CDH4: variants seen among roughly 807,000 people sequenced by gnomAD.
CDH4 encodes cadherin-4.
A neutral mutation model predicts 86.0 loss-of-function variants in CDH4; 33 were observed. The ratio of observed to expected loss-of-function variants is 0.38; its 90% CI spans 0.29 to 0.51. The LOEUF (loss-of-function observed/expected upper bound fraction) is 0.51, where lower values mean the gene tolerates loss of function less well. Ranked by LOEUF, CDH4 falls within the 20% of genes least tolerant of loss-of-function variation. The pLI, the probability that CDH4 is intolerant of heterozygous loss-of-function variation, is 0.86. For missense variants in CDH4, 1,114 were observed against 1,307.4 expected, an observed-to-expected ratio of 0.85 and a Z score of 2.28; for synonymous variants, 555 against 549.4, an observed-to-expected ratio of 1.01 and a Z score of -0.14.
chr20:61,780,283 G>A (rs146853616), intron 4 of CDH4, among the ~76,000 whole-genome samples: 19 of 152,088 alleles, frequency 1.2e-4, no homozygotes, highest in African/African-American at 3.1e-4. Context: ...GGGTTTTCCC[G>A]GTGCACCCAA....
rs138529046 is a variant in CDH4 at position 61,832,066 on chromosome 20, G to A, written c.577-12602G>A. On this transcript the variant is annotated intron_variant, in intron 4 of 15. Coordinates refer to ENST00000614565, the MANE Select transcript of CDH4 (RefSeq NM_001794.5). ...TGGATGCTGCTGCCAACCCAGGCCT[G>A]GTAGATGTACCCATTCCAACCTCCA... Among the ~76,000 whole-genome samples the A allele has an allele frequency of 2.6e-5, 4 of 152,364 alleles. No homozygotes were observed. In the East Asian group the frequency reaches 7.7e-4, roughly 29 times the overall value.
chr20:61,305,318 T>G (rs2084410732), intron 2 of CDH4, among the ~76,000 whole-genome samples: 2 of 152,212 alleles, frequency 1.3e-5, no homozygotes, highest in African/African-American at 2.4e-5. Context: ...CTGCCGTATC[T>G]TATGCAGCGA....
chr20:61,800,000 C>T (rs933680936), intron 4 of CDH4, among the ~76,000 whole-genome samples: 2 of 152,254 alleles, frequency 1.3e-5, no homozygotes, highest in South Asian at 2.1e-4. Context: ...ATGACCCGCT[C>T]GGCTGCAGCG....
intron 2 of CDH4, among the ~76,000 whole-genome samples, chr20:61,634,563 A>G (rs1267673309): frequency 6.6e-6 from 1 of 152,230 alleles, no homozygotes; most frequent in African/African-American, 2.4e-5. Flanking sequence ...TGCAGGAAGC[A>G]TCTGTGGCCT....
At chr20:61,478,178 T>C (rs2149481) in intron 2 of CDH4, among the ~76,000 whole-genome samples, 120,007 of 152,066 alleles carry the variant, frequency 0.79, 48,440 homozygotes, top group African/African-American at 0.95. Flanking sequence ...TTCCAGATGC[T>C]ACCTGCCCTG....
intron 2 of CDH4, among the ~76,000 whole-genome samples, chr20:61,546,100 G>GA (rs2086082099): frequency 1.7e-5 from 2 of 115,480 alleles, no homozygotes; most frequent in Non-Finnish European, 3.9e-5. Context: ...GTGTGTGGAG[G>GA]GGTGTGTGTG....
chr20:61,588,553 C>T (rs2086495315), intron 2 of CDH4, among the ~76,000 whole-genome samples: 1 of 152,344 alleles, frequency 6.6e-6, no homozygotes, highest in African/African-American at 2.4e-5. Context: ...ACTCATTCCC[C>T]GCTGAGGGGA....
intron 2 of CDH4, among the ~76,000 whole-genome samples, chr20:61,404,112 G>T (rs1162724336): frequency 6.6e-6 from 1 of 152,102 alleles, no homozygotes; most frequent in African/African-American, 2.4e-5. Context: ...GAGACACTGG[G>T]CAGGTGCAGC....
rs1329129801 is a variant in CDH4 at position 61,940,153 on chromosome 20, G to C, written c.*3210G>C. ...ACGTGACCCAGCTCGTGGCGCCGTGGGTCCGTAGGAGGGACAGTACCTCAC... is the reference window on the plus strand; with the variant it reads ...ACGTGACCCAGCTCGTGGCGCCGTGCGTCCGTAGGAGGGACAGTACCTCAC... On this transcript the variant is annotated 3_prime_UTR_variant, in exon 16 of 16. Transcript: ENST00000614565. 1.3e-5 allele frequency: 2 copies of C among 152,198 alleles called. No individual in the cohort carries two copies. The highest frequency in any genetic ancestry group is 6.5e-5 in the Admixed American group (1 of 15,286). 9.4% of individuals were successfully genotyped at this position (152,198 alleles called of 1,614,324 possible).
chr20:61,561,129 C>T (rs1328051582), intron 2 of CDH4, among the ~76,000 whole-genome samples: 2 of 152,188 alleles, frequency 1.3e-5, no homozygotes, highest in Admixed American at 1.3e-4. Flanking sequence ...CACCCCACCA[C>T]CCCCAAGACC....
At chr20:61,645,021 A>G (rs1471065595) in intron 2 of CDH4, among the ~76,000 whole-genome samples, 1 of 152,112 alleles carries the variant, frequency 6.6e-6, no homozygotes, top group Non-Finnish European at 1.5e-5. Context: ...AGCTCCCGGG[A>G]GTCTCTTCTT....
In CDH4 at chr20:61,315,711, A is replaced by AT. The variant is rs539694068; in HGVS notation, c.169+60780dup. The stretch of plus-strand genomic sequence containing the variant: ...GATGATTTTTTACGTTTTCATTATC[A>AT]TTTTTTGTTTAAGACATGGTCTTGC... On this transcript the variant is annotated intron_variant, in intron 2 of 15. Coordinates refer to ENST00000614565, the MANE Select transcript of CDH4 (RefSeq NM_001794.5). Among the ~76,000 whole-genome samples, 365 of 152,216 alleles carry AT rather than the reference A, an allele frequency of 2.4e-3. 1 individual carries two copies. The highest frequency in any genetic ancestry group is 3.5e-3 in the Non-Finnish European group (237 of 68,002).
chr20:61,907,421 T>G (rs1268057697), intron 8 of CDH4, among the ~76,000 whole-genome samples: 1 of 151,924 alleles, frequency 6.6e-6, no homozygotes, highest in Non-Finnish European at 1.5e-5. Flanking sequence ...ACTGCAGGGC[T>G]GAGATCAGGC....
At chr20:61,470,085 G>C (rs111984317) in intron 2 of CDH4, among the ~76,000 whole-genome samples, 1 of 151,874 alleles carries the variant, frequency 6.6e-6, no homozygotes, top group Non-Finnish European at 1.5e-5. Context: ...TATTTTTTCT[G>C]TTTCTGTGAA....
At chr20:61,819,300 TAAGA>T (rs1980894766) in intron 4 of CDH4, among the ~76,000 whole-genome samples, 1 of 152,212 alleles carries the variant, frequency 6.6e-6, no homozygotes, top group Non-Finnish European at 1.5e-5. Flanking sequence ...TGCCCCCTTC[TAAGA>T]AAGAGAGAGA....
At chr20:61,858,007 CTGTGTCTGTGTCTGCATCTGTGTG>C (rs1983108583) in intron 6 of CDH4, among the ~76,000 whole-genome samples, 1 of 145,172 alleles carries the variant, frequency 6.9e-6, no homozygotes, top group South Asian at 2.2e-4. Context: ...CTGTGTGTCT[CTGTGTCTGTGTCTGCATCTGTGTG>C]TGTGTCTGTG....
At chr20:61,688,089 CGCCGACAGCCCAGGTCTCCCCTACAGCA>C (rs2087608479) in intron 2 of CDH4, among the ~76,000 whole-genome samples, 1 of 152,108 alleles carries the variant, frequency 6.6e-6, no homozygotes, top group Non-Finnish European at 1.5e-5. Flanking sequence ...CACAGGACCC[CGCCGACAGCCCAGGTCTCCCCTACAGCA>C]GCCTCTGAGC....
chr20:61,722,643 C>T (rs368449880), intron 2 of CDH4, among the ~76,000 whole-genome samples: 2 of 151,556 alleles, frequency 1.3e-5, no homozygotes, highest in South Asian at 4.2e-4. Flanking sequence ...CCACCCCCCA[C>T]GCATGCACAG....
intron 2 of CDH4, among the ~76,000 whole-genome samples, chr20:61,634,922 C>T (rs940206400): frequency 6.6e-6 from 1 of 152,140 alleles, no homozygotes; most frequent in African/African-American, 2.4e-5. Context: ...CTCTTGTGAC[C>T]GGCTTATTTC....
Sources: allele counts gnomAD v4.1 joint callset (sites outside exome capture counted in the v4.1 genomes callset), GRCh38; gene constraint gnomAD v4.1.1; transcripts MANE v1.5; gene names NCBI Gene and HGNC (gene_info 2026-07-23, HGNC 2026-07-21).